Variants in OR6N1 observed in about 807,000 individuals in gnomAD.
OR6N1 encodes the protein olfactory receptor 6N1.
For missense variants in OR6N1, 394 were observed against 371.7 expected (o/e 1.06, Z -0.49); for synonymous variants, 170 against 150.7 (o/e 1.13, Z -0.94).
chr1:158,832,600 TTATAA>T, the OR6N1 span, among the ~76,000 whole-genome samples: 3 of 151,208 alleles, frequency 2.0e-5, no homozygotes, highest in Admixed American at 6.6e-5. Flanking sequence ...CAGATTATAT[TTATAA>T]TATAATTTAA....
the OR6N1 span, among the ~76,000 whole-genome samples, chr1:158,785,924 G>A: frequency 6.6e-5 from 10 of 152,052 alleles, no homozygotes; most frequent in African/African-American, 1.7e-4. Flanking sequence ...TCTTAATCTC[G>A]TGTTGGATGT....
At chr1:158,839,329 A>G in the OR6N1 span, among the ~76,000 whole-genome samples, 1 of 152,104 alleles carries the variant, frequency 6.6e-6, no homozygotes, top group African/African-American at 2.4e-5. Flanking sequence ...TAATTCTCTC[A>G]TATACACACT....
upstream of OR6N1, chr1:158,775,610 G>C (rs1245028361): frequency 1.3e-5 from 2 of 152,156 alleles, no homozygotes; most frequent in African/African-American, 2.4e-5. Context: ...TATTAGAATA[G>C]AATGAGAGTA....
chr1:158,804,931 A>G, the OR6N1 span, among the ~76,000 whole-genome samples: 1 of 152,194 alleles, frequency 6.6e-6, no homozygotes, highest in East Asian at 1.9e-4. Flanking sequence ...GGGAGGAGAC[A>G]GATCCTCAAA....
chr1:158,791,315 T>C, the OR6N1 span, among the ~76,000 whole-genome samples: 8 of 152,326 alleles, frequency 5.3e-5, no homozygotes, highest in African/African-American at 1.7e-4. Flanking sequence ...TGTCATTTAT[T>C]TGAAAAAAAT....
chr1:158,791,985 A>C, the OR6N1 span, among the ~76,000 whole-genome samples: 1 of 152,200 alleles, frequency 6.6e-6, no homozygotes, highest in Admixed American at 6.5e-5. Context: ...TAGTGCTGCC[A>C]GTGGAGTGTT....
chr1:158,777,691 A>G, the OR6N1 span: 1 of 1,137,544 alleles, frequency 8.8e-7, no homozygotes, highest in Non-Finnish European at 1.3e-6. Context: ...TGACTGCTGA[A>G]TCCATGCCAA....
At chr1:158,801,060 C>A in the OR6N1 span, among the ~76,000 whole-genome samples, 1 of 152,132 alleles carries the variant, frequency 6.6e-6, no homozygotes, top group Non-Finnish European at 1.5e-5. Context: ...TCCATGCACT[C>A]CTTCCCACCA....
At chr1:158,795,344 C>T in the OR6N1 span, among the ~76,000 whole-genome samples, 1 of 152,198 alleles carries the variant, frequency 6.6e-6, no homozygotes, top group Non-Finnish European at 1.5e-5. Flanking sequence ...GAAATCATGG[C>T]TTTCAGGCCA....
At chr1:158,835,258 G>A in the OR6N1 span, among the ~76,000 whole-genome samples, 1 of 152,158 alleles carries the variant, frequency 6.6e-6, no homozygotes, top group Non-Finnish European at 1.5e-5. Flanking sequence ...CCTGGACACA[G>A]ATGCCTTCCC....
Position 158,772,173 on chromosome 1 carries a change from G to C in OR6N1, c.-171C>G, listed in dbSNP as rs1439207529. The C allele has an allele frequency of 2.0e-5, 3 of 152,162 alleles. No homozygotes were observed. The highest frequency in any genetic ancestry group is 4.4e-5 in the Non-Finnish European group (3 of 68,034). 9.4% of individuals were successfully genotyped at this position (152,162 alleles called of 1,614,324 possible). A position where few individuals can be genotyped will look rare whatever the true frequency, so the allele number is the denominator to read the frequency against. On this transcript the variant is annotated 5_prime_UTR_variant, in exon 1 of 2. Transcript: ENST00000641846. ...GCCATTCCCGGGGCCTGGAGGGGTT[G>C]AAGTTTATCACTTTGATGGAACCTG...
At chr1:158,789,135 A>G in the OR6N1 span, among the ~76,000 whole-genome samples, 1 of 152,108 alleles carries the variant, frequency 6.6e-6, no homozygotes, top group African/African-American at 2.4e-5. Context: ...ACTTAACACA[A>G]TTACCTCAAG....
At chr1:158,799,047 G>C in the OR6N1 span, among the ~76,000 whole-genome samples, 1 of 152,062 alleles carries the variant, frequency 6.6e-6, no homozygotes, top group Non-Finnish European at 1.5e-5. Context: ...ACATCCTGAA[G>C]TTATTAAAAC....
chr1:158,765,846 TGAG>T lies in OR6N1; in HGVS notation c.834_836del (p.Tyr278_Ser279delinsTer). 6.2e-7 allele frequency: 1 copy of T among 1,614,148 alleles called. No homozygotes were observed. On this transcript the variant is annotated stop_gained and inframe_deletion, in exon 2 of 2. Transcript: ENST00000641846. LOFTEE classifies it low-confidence loss of function (END_TRUNC). ...AGGGGTTGAGGAAGGGTGTGAGCAC[TGAG>T]TAGACCACTGCCAGGGCCTGGTCAT...
chr1:158,778,487 C>T, the OR6N1 span, among the ~76,000 whole-genome samples: 2 of 152,216 alleles, frequency 1.3e-5, no homozygotes, highest in Non-Finnish European at 2.9e-5. Flanking sequence ...ACATGTTCCC[C>T]TCTATGGTAA....
At position 158,766,317 on chromosome 1, in the gene OR6N1, C is replaced by T. The variant is rs1657262199; in HGVS notation, c.366G>A (p.Arg122=). The T allele has an allele frequency of 6.2e-7, 1 of 1,614,008 alleles. No individual in the cohort carries two copies. The highest frequency in any genetic ancestry group is 2.2e-5 in the East Asian group (1 of 44,854). The change falls in exon 2 of 2, where the codon AGG becomes AGA. Residue 122 remains arginine (R), a synonymous_variant. Transcript: ENST00000641846. The stretch of plus-strand genomic sequence containing the variant: ...GGAGGGGCCGGCAGATGGCTAAATA[C>T]CTATCGTAGGCCATAGCTGTCAGGA... The part of the protein sequence containing the change: ...CYLLTAMAYD[R]YLAICRPLHY...
chr1:158,822,785 T>C, the OR6N1 span, among the ~76,000 whole-genome samples: 1 of 152,138 alleles, frequency 6.6e-6, no homozygotes, highest in Non-Finnish European at 1.5e-5. Context: ...TTTTCTTGTT[T>C]TGGTTTTCAA....
At chr1:158,810,331 T>C in the OR6N1 span, among the ~76,000 whole-genome samples, 2 of 152,104 alleles carry the variant, frequency 1.3e-5, no homozygotes, top group African/African-American at 4.8e-5. Context: ...TTGATGACAT[T>C]AGAACTTATA....
chr1:158,777,156 G>A, upstream of OR6N1: 1 of 1,614,092 alleles, frequency 6.2e-7, no homozygotes, highest in Non-Finnish European at 8.5e-7. Context: ...AGGCAAGGAT[G>A]ACCTCAGAAA....
Sources: gnomAD v4.1 joint callset for allele counts (sites outside exome capture counted in the v4.1 genomes callset) on GRCh38, gnomAD v4.1.1 for gene constraint, MANE v1.5 for transcripts, NCBI Gene and HGNC (gene_info 2026-07-23, HGNC 2026-07-21) for gene names.